Variants in PCDHAC1 observed in about 807,000 individuals in gnomAD.
The protein encoded by PCDHAC1 is protocadherin alpha subfamily C, 1, also known as protocadherin alpha-C1.
Under a neutral mutation model 60.0 loss-of-function variants are expected in PCDHAC1, and 42 were observed. The ratio of observed to expected loss-of-function variants is 0.70; its 90% confidence interval spans 0.55 to 0.90. The LOEUF is 0.90. Ranked by LOEUF, PCDHAC1 falls within the 40% of genes least tolerant of loss-of-function variation. The pLI is 0.00. For missense variants in PCDHAC1, 1,160 were observed against 1,222.3 expected (o/e 0.95, Z 0.76); for synonymous variants, 468 against 499.3 (o/e 0.94, Z 0.84).
chr5:140,959,592 G>A (rs2095498598), intron 1 of PCDHAC1, among the ~76,000 whole-genome samples: 2 of 152,162 alleles, frequency 1.3e-5, no homozygotes, highest in South Asian at 4.1e-4. Flanking sequence ...TATCAGCCAA[G>A]TATAACATGC....
intron 3 of PCDHAC1, among the ~76,000 whole-genome samples, chr5:140,996,546 T>C (rs1179221123): frequency 6.6e-6 from 1 of 152,224 alleles, no homozygotes; most frequent in Admixed American, 6.5e-5. Flanking sequence ...GATATTATGC[T>C]GTCACTATCT....
chr5:140,980,856 G>GT (rs2096908809), intron 2 of PCDHAC1, among the ~76,000 whole-genome samples: 1 of 151,886 alleles, frequency 6.6e-6, no homozygotes, highest in Admixed American at 6.6e-5. Context: ...AATCTTTTTC[G>GT]TATGTGTGCT....
intron 1 of PCDHAC1, among the ~76,000 whole-genome samples, chr5:140,945,549 G>A (rs246058): frequency 0.56 from 85,718 of 151,780 alleles, 24,784 homozygotes; most frequent in African/African-American, 0.69. Context: ...ACAAAAAAAT[G>A]AAGCTGAAGA....
At chr5:140,950,882 G>C (rs1182849126) in intron 1 of PCDHAC1, among the ~76,000 whole-genome samples, 1 of 151,764 alleles carries the variant, frequency 6.6e-6, no homozygotes, top group Non-Finnish European at 1.5e-5. Flanking sequence ...TTGTTCAATA[G>C]GTCTCTGAGA....
chr5:140,927,757 A>G lies in PCDHAC1; in HGVS notation c.865A>G (p.Lys289Glu), dbSNP rs957906084. The change falls in exon 1 of 4, where the codon AAA becomes GAA. Residue 289 changes from lysine (K) to glutamate (E), a missense_variant. Coordinates refer to ENST00000253807, the MANE Select transcript of PCDHAC1 (RefSeq NM_018898.5). ...ELRHRFHVHP[K>E]SGEVQVAASL... ...GCGACACCGCTTTCACGTGCACCCT[A>G]AAAGTGGGGAGGTGCAAGTAGCTGC... 3.2e-5 allele frequency: 51 copies of G among 1,614,028 alleles called. No homozygotes were observed. The highest frequency in any genetic ancestry group is 1.0e-4 in the Admixed American group (6 of 60,000).
At chr5:140,967,226 C>G (rs782350843) in intron 1 of PCDHAC1, 1 of 1,613,746 alleles carries the variant, frequency 6.2e-7, no homozygotes, top group Non-Finnish European at 8.5e-7. Flanking sequence ...GCCCAACTAC[C>G]AGCTTCAGGT....
At chr5:140,938,336 A>G (rs1251086891) in intron 1 of PCDHAC1, among the ~76,000 whole-genome samples, 1 of 152,204 alleles carries the variant, frequency 6.6e-6, no homozygotes, top group African/African-American at 2.4e-5. Context: ...ATGTTAATGG[A>G]TAATCTTGTC....
At chr5:140,978,851 C>T (rs2096826375) in intron 1 of PCDHAC1, 98 bp from the exon 2 acceptor site, 2 of 1,578,528 alleles carry the variant, frequency 1.3e-6, no homozygotes, top group South Asian at 2.3e-5. Flanking sequence ...TTTTTAGATG[C>T]CTGGAAATAT....
rs782460713 is a variant in PCDHAC1 at position 140,927,440 on chromosome 5, C to G, written c.548C>G (p.Pro183Arg). Residue 183 changes from proline (P) to arginine (R), a missense_variant, in exon 1 of 4, where the codon CCG (proline) becomes CGG (arginine). Around this residue, in one of 3 missense-constraint regions of PCDHAC1, gnomAD observed 1,113 missense variants for 1,163.7 expected, o/e 0.96. Transcript: ENST00000253807. ...MGSRVDGSEY[P>R]ELVLEKALDR... ...TCGCGGGTTGACGGCAGCGAATACC[C>G]GGAGTTGGTGTTGGAGAAAGCACTG... The G allele has an allele frequency of 1.2e-6, 2 of 1,614,168 alleles. No individual in the cohort carries two copies. The highest frequency in any genetic ancestry group is 4.5e-5 in the East Asian group (2 of 44,868).
intron 3 of PCDHAC1, among the ~76,000 whole-genome samples, chr5:140,996,183 T>C (rs1360004898): frequency 6.6e-6 from 1 of 152,232 alleles, no homozygotes; most frequent in African/African-American, 2.4e-5. Context: ...AGCACCTCCA[T>C]TTTATACCCT....
Position 140,927,446 on chromosome 5 carries a change from TG to T in PCDHAC1, c.556del (p.Val186CysfsTer87). ...SRVDGSEYPE[L>X]VLEKALDREQ... ...GTTGACGGCAGCGAATACCCGGAGT[TG>T]GTGTTGGAGAAAGCACTGGATCGCG... On this transcript the variant is annotated frameshift_variant, in exon 1 of 4. Coordinates refer to ENST00000253807, the MANE Select transcript of PCDHAC1 (RefSeq NM_018898.5). LOFTEE classifies it high-confidence loss of function. 34 of 1,614,128 alleles carry T rather than the reference TG, an allele frequency of 2.1e-5. No homozygotes were observed. Among genetic ancestry groups the T allele is most frequent in the Non-Finnish European group, 2.5e-5 (30 of 1,180,026 alleles).
At chr5:140,947,907 C>T (rs2094191786) in intron 1 of PCDHAC1, among the ~76,000 whole-genome samples, 1 of 151,546 alleles carries the variant, frequency 6.6e-6, no homozygotes, top group African/African-American at 2.4e-5. Context: ...TGAGAGCAGA[C>T]ATTCTTGCCT....
In PCDHAC1 at chr5:141,010,049, C is replaced by G. The variant is rs1554262651; in HGVS notation, c.*112C>G. 7 of 1,597,692 alleles carry G rather than the reference C, an allele frequency of 4.4e-6. No individual in the cohort carries two copies. The highest frequency in any genetic ancestry group is 1.3e-5 in the African/African-American group (1 of 74,172). On this transcript the variant is annotated 3_prime_UTR_variant, in exon 4 of 4. Coordinates refer to ENST00000253807, the MANE Select transcript of PCDHAC1 (RefSeq NM_018898.5). ...TATCTACATGAGCCCTCTTAGAGAC[C>G]TCAGAAATCTGCAGAAAGTTCCCTG...
chr5:140,967,192 C>T (rs2096111456), intron 1 of PCDHAC1: 1 of 1,613,408 alleles, frequency 6.2e-7, no homozygotes, highest in South Asian at 1.1e-5. Context: ...TGGACATCAA[C>T]GACAACTCAC....
At chr5:140,951,234 C>A (rs1003242029) in intron 1 of PCDHAC1, among the ~76,000 whole-genome samples, 2 of 152,028 alleles carry the variant, frequency 1.3e-5, no homozygotes. Flanking sequence ...ATGGTCTTTA[C>A]CTTTAGGAAT....
intron 1 of PCDHAC1, chr5:140,967,577 C>G (rs141338011): frequency 1.2e-6 from 2 of 1,614,016 alleles, no homozygotes; most frequent in Non-Finnish European, 1.7e-6. Flanking sequence ...GGAGGACTCA[C>G]CCCCAGGCAC....
At position 140,926,529 on chromosome 5, in the gene PCDHAC1, A is replaced by T; in HGVS notation, c.-364A>T. The T allele has an allele frequency of 4.8e-6, 1 of 209,686 alleles. No homozygotes were observed. Among genetic ancestry groups the T allele is most frequent in the Admixed American group, 5.9e-5 (1 of 17,006 alleles). The allele number at this position is 209,686 out of a possible 1,614,324, so 13.0% of individuals were successfully genotyped here. On this transcript the variant is annotated 5_prime_UTR_variant, in exon 1 of 4. Transcript: ENST00000253807. ...CTCCCAGGCTCCGCCCTGCGCCCGC[A>T]GCCAGCGTGGTGGTCGAGACCCCAG...
At chr5:141,004,810 A>G (rs2098182429) in intron 3 of PCDHAC1, among the ~76,000 whole-genome samples, 1 of 152,224 alleles carries the variant, frequency 6.6e-6, no homozygotes, top group Non-Finnish European at 1.5e-5. Flanking sequence ...GCTCAATTGC[A>G]GATTTGATTA....
In PCDHAC1 at chr5:140,978,964, C is replaced by A; in HGVS notation, c.2449C>A (p.Pro817Thr). The A allele has an allele frequency of 6.2e-7, 1 of 1,614,122 alleles. No individual in the cohort carries two copies. The highest frequency in any genetic ancestry group is 1.3e-5 in the African/African-American group (1 of 75,040). ...GATTTTGCAGCCACGACAGCCCAAC[C>A]CTGACTGGCGTTACTCTGCCTCCCT... The part of the protein sequence containing the change: ...NVNAMPRQPN[P>T]DWRYSASLRA... Residue 817 changes from proline (P) to threonine (T), a missense_variant, in exon 2 of 4, where the codon CCT becomes ACT. Around this residue, in one of 3 missense-constraint regions of PCDHAC1, gnomAD observed 1,113 missense variants for 1,163.7 expected, o/e 0.96. Transcript: ENST00000253807.
Sources: allele counts gnomAD v4.1 joint callset (sites outside exome capture counted in the v4.1 genomes callset), GRCh38; gene constraint gnomAD v4.1.1; regional missense constraint gnomAD v4.1.1; transcripts MANE v1.5; gene names NCBI Gene and HGNC (gene_info 2026-07-23, HGNC 2026-07-21).